The following CDYL variants were observed in gnomAD, a reference collection of about 807,000 sequenced individuals.
The protein encoded by CDYL is chromodomain Y like, also known as chromodomain Y-like protein.
A neutral mutation model predicts 47.3 loss-of-function variants in CDYL; 8 were observed. The observed-to-expected ratio is 0.17, with a 90% CI of 0.10 to 0.31. The LOEUF (loss-of-function observed/expected upper bound fraction) is 0.31. Among genes scored for constraint, CDYL ranks in the 10% least tolerant of loss-of-function variants. CDYL has a pLI of 1.00. For synonymous variants in CDYL, 266 were observed against 265.0 expected (o/e 1.00, Z -0.04); for missense variants, 471 against 701.4 (o/e 0.67, Z 3.71).
intron 2 of CDYL, among the ~76,000 whole-genome samples, chr6:4,732,701 G>A (rs1320803661): frequency 6.6e-6 from 1 of 151,516 alleles, no homozygotes; most frequent in Non-Finnish European, 1.5e-5. Context: ...GGAATTCTCA[G>A]TATCCCTTCA....
At chr6:4,830,091 C>A (rs908616366) in intron 1 of CDYL, among the ~76,000 whole-genome samples, 1 of 151,976 alleles carries the variant, frequency 6.6e-6, no homozygotes, top group Non-Finnish European at 1.5e-5. Context: ...CAAGTCTGCC[C>A]CTGTCTGTAC....
At position 4,875,948 on chromosome 6, in the gene CDYL, T is replaced by A. The variant is rs180891550; in HGVS notation, c.25-15765T>A. Among the ~76,000 whole-genome samples, 554 of 152,302 alleles carry A rather than the reference T, an allele frequency of 3.6e-3. 1 individual carries two copies. Among genetic ancestry groups the A allele is most frequent in the Non-Finnish European group, 6.2e-3 (423 of 68,012 alleles). On this transcript the variant is annotated intron_variant, in intron 1 of 6. Coordinates refer to ENST00000397588, the MANE Select transcript of CDYL (RefSeq NM_004824.4). Reference sequence around the variant, plus strand: ...AACTGGAATTCCAGTTTGTTCATAGTTTTTTTCTTTTTATGTAAAATTTCC... The same window carrying A: ...AACTGGAATTCCAGTTTGTTCATAGATTTTTTCTTTTTATGTAAAATTTCC...
intron 2 of CDYL, among the ~76,000 whole-genome samples, chr6:4,919,048 GTA>G (rs893442783): frequency 6.6e-6 from 1 of 152,162 alleles, no homozygotes; most frequent in African/African-American, 2.4e-5. Flanking sequence ...TGCGCTAACT[GTA>G]TAGTTTTGCA....
Position 4,893,693 on chromosome 6 carries a change from C to A in CDYL, c.691+1314C>A, listed in dbSNP as rs754588088. On this transcript the variant is annotated intron_variant, in intron 2 of 6. Transcript: ENST00000397588. ...GGGTGACAGAGTGAGACTCCGTCTC[C>A]CAAAAAAAAAAAAAAAAGAGACTCC... is the stretch of plus-strand genomic sequence containing the variant. Among the ~76,000 whole-genome samples the A allele has an allele frequency of 2.0e-3, 282 of 144,280 alleles. 1 individual carries two copies. The highest frequency in any genetic ancestry group is 3.1e-3 in the Non-Finnish European group (209 of 66,832). 94.7% of individuals were successfully genotyped at this position (144,280 alleles called of 152,430 possible). A position where few individuals can be genotyped will look rare whatever the true frequency, so the allele number is the denominator to read the frequency against.
intron 3 of CDYL, among the ~76,000 whole-genome samples, chr6:4,762,645 CAAAA>C (rs1173404314): frequency 0.11 from 4,316 of 39,502 alleles, 75 homozygotes; most frequent in Middle Eastern, 0.15. Context: ...TAAAGGGTAC[CAAAA>C]AAAAAAAAAA....
At chr6:4,887,252 A>G (rs1245950075) in intron 1 of CDYL, among the ~76,000 whole-genome samples, 1 of 152,250 alleles carries the variant, frequency 6.6e-6, no homozygotes, top group Non-Finnish European at 1.5e-5. Flanking sequence ...TTTAATGTTA[A>G]TAAGAGTTAC....
intron 1 of CDYL, among the ~76,000 whole-genome samples, chr6:4,811,961 G>A (rs1317189671): frequency 1.3e-5 from 2 of 152,056 alleles, no homozygotes; most frequent in Non-Finnish European, 2.9e-5. Context: ...CATCTCCTGT[G>A]CCTTTGCTGT....
chr6:4,748,656 G>GACACACAC (rs111349102), intron 3 of CDYL, among the ~76,000 whole-genome samples: 89,443 of 145,870 alleles, frequency 0.61, 28,546 homozygotes, highest in East Asian at 0.92. Context: ...TGATGGCAAA[G>GACACACAC]ACACACACAC....
At chr6:4,740,387 G>A (rs576830026) in intron 3 of CDYL, among the ~76,000 whole-genome samples, 3 of 152,242 alleles carry the variant, frequency 2.0e-5, no homozygotes, top group African/African-American at 7.2e-5. Flanking sequence ...AGCTGGGGCA[G>A]AGGGCGTTGC....
intron 2 of CDYL, among the ~76,000 whole-genome samples, chr6:4,733,575 C>G (rs892694800): frequency 9.8e-5 from 15 of 152,310 alleles, no homozygotes; most frequent in Middle Eastern, 3.4e-3. Context: ...AAACTTTTGT[C>G]CCCTTCCTTA....
At chr6:4,709,484 T>C (rs9328269) in intron 1 of CDYL, among the ~76,000 whole-genome samples, 152,255 of 152,324 alleles carry the variant, frequency 1, 76,094 homozygotes, top group Non-Finnish European at 1. Context: ...GCGTGAGCCA[T>C]TGCACCCAGC....
rs115405822 is a variant in CDYL, at chr6:4,745,794, G to A, written c.186+10950G>A. 6.9e-3 allele frequency among the ~76,000 whole-genome samples: 1,057 copies of A among 152,250 alleles called. 16 individuals are homozygous for A. Among genetic ancestry groups the A allele is most frequent in the African/African-American group, 0.024 (1,000 of 41,542 alleles). On this transcript the variant is annotated intron_variant, in intron 3 of 8. Coordinates refer to the CDYL transcript ENST00000328908. Reference sequence around the variant, plus strand: ...TGAGGGTAGAAATCCTTTTGATGAGGCCCAAGCTGAGGCCTGGGAGGATAA... The same window carrying A: ...TGAGGGTAGAAATCCTTTTGATGAGACCCAAGCTGAGGCCTGGGAGGATAA...
Position 4,891,392 on chromosome 6 carries a change from C to G in CDYL, c.25-321C>G, listed in dbSNP as rs116927153. 5.5e-4 allele frequency among the ~76,000 whole-genome samples: 84 copies of G among 152,318 alleles called. 1 individual carries two copies. The East Asian group carries it at 0.012, about 22-fold the overall frequency. The stretch of plus-strand genomic sequence containing the variant: ...ACAGCTGCAGATGCCTCGAGCTGCT[C>G]CAGCCATGAGTGTGGAAACCAACTC... On this transcript the variant is annotated intron_variant, in intron 1 of 6. Coordinates refer to ENST00000397588, the MANE Select transcript of CDYL (RefSeq NM_004824.4).
At chr6:4,869,979 G>C (rs1247908563) in intron 1 of CDYL, among the ~76,000 whole-genome samples, 1 of 152,064 alleles carries the variant, frequency 6.6e-6, no homozygotes, top group East Asian at 1.9e-4. Flanking sequence ...TTTCTGTCAG[G>C]CAGCTCTGTT....
intron 2 of CDYL, among the ~76,000 whole-genome samples, chr6:4,900,013 G>C (rs146193478): frequency 1.6e-3 from 241 of 152,262 alleles, no homozygotes; most frequent in African/African-American, 5.6e-3. Flanking sequence ...CACACATCCT[G>C]TTGTAAACAG....
Position 4,776,521 on chromosome 6 carries a change from A to C in CDYL, c.-263A>C, listed in dbSNP as rs1291474067. The C allele has an allele frequency of 7.6e-6, 1 of 131,872 alleles. No homozygotes were observed. Among genetic ancestry groups the C allele is most frequent in the Admixed American group, 7.7e-5 (1 of 12,952 alleles). 8.2% of individuals were successfully genotyped at this position (131,872 alleles called of 1,614,324 possible). On this transcript the variant is annotated 5_prime_UTR_variant, in exon 1 of 7. Transcript: ENST00000397588. The stretch of plus-strand genomic sequence containing the variant: ...CCCGGCCCCGCGGCGGGGCGCGATG[A>C]GCCCGAGCGCGAGCCGGCCCGCCGG...
chr6:4,934,801 C>G (rs759617266), intron 2 of CDYL, among the ~76,000 whole-genome samples: 16 of 152,084 alleles, frequency 1.1e-4, no homozygotes, highest in Admixed American at 2.0e-4. Flanking sequence ...ATCTCAAGAC[C>G]CTGGCAAAAC....
At chr6:4,921,812 A>G (rs997154614) in intron 2 of CDYL, among the ~76,000 whole-genome samples, 4 of 151,900 alleles carry the variant, frequency 2.6e-5, no homozygotes, top group South Asian at 2.1e-4. Context: ...TTTTTAACCA[A>G]TTACATTCAA....
Position 4,929,825 on chromosome 6 carries a change from C to A in CDYL, c.692-5690C>A, listed in dbSNP as rs142752330. 2.8e-3 allele frequency among the ~76,000 whole-genome samples: 429 copies of A among 151,740 alleles called. 2 individuals are homozygous for A. The highest frequency in any genetic ancestry group is 7.7e-3 in the African/African-American group (318 of 41,358). On this transcript the variant is annotated intron_variant, in intron 2 of 6. Coordinates refer to ENST00000397588, the MANE Select transcript of CDYL (RefSeq NM_004824.4). The stretch of plus-strand genomic sequence containing the variant: ...AATACCATCATCTCTCATTTTTAGT[C>A]TTTATTAACTGATTTTATCTTAGTC...
Sources: gnomAD v4.1 joint callset for allele counts (sites outside exome capture counted in the v4.1 genomes callset) on GRCh38, gnomAD v4.1.1 for gene constraint, MANE v1.5 for transcripts, NCBI Gene and HGNC (gene_info 2026-07-23, HGNC 2026-07-21) for gene names.